Variants in CCDC175 observed in about 807,000 individuals in gnomAD.
The protein encoded by CCDC175 is coiled-coil domain containing 175.
A neutral mutation model predicts 114.6 loss-of-function variants in CCDC175; 100 were observed. The ratio of observed to expected loss-of-function variants is 0.87; its 90% CI spans 0.74 to 1.03. The LOEUF is 1.03. Among genes scored for constraint, CCDC175 ranks in the 50% least tolerant of loss-of-function variants. The pLI, the probability that CCDC175 is intolerant of heterozygous loss-of-function variation, is 0.00. For missense variants in CCDC175, 880 were observed against 917.8 expected (o/e 0.96, Z 0.53); for synonymous variants, 306 against 308.7 (o/e 0.99, Z 0.09).
intron 16 of CCDC175, 113 bp downstream of exon 16, chr14:59,525,169 T>A (rs1341460796): frequency 1.2e-6 from 1 of 811,152 alleles, no homozygotes; most frequent in Non-Finnish European, 1.8e-6. Flanking sequence ...GTGTGTACTT[T>A]ATGCTCCATT....
chr14:59,572,656 G>A (rs12886261), intron 3 of CCDC175, 46 bp downstream of exon 3: 303,929 of 1,055,754 alleles, frequency 0.29, 45,551 homozygotes, highest in African/African-American at 0.44. Flanking sequence ...ACTTCATTCT[G>A]TTATAAGATC....
intron 3 of CCDC175, among the ~76,000 whole-genome samples, chr14:59,569,793 T>C (rs573425765): frequency 2.0e-4 from 30 of 152,166 alleles, no homozygotes; most frequent in Non-Finnish European, 3.8e-4. Context: ...AAAGGGAAAG[T>C]TTAATAGAAT....
intron 15 of CCDC175, among the ~76,000 whole-genome samples, chr14:59,526,480 T>C (rs8011800): frequency 0.45 from 67,942 of 150,690 alleles, 16,262 homozygotes; most frequent in African/African-American, 0.61. Context: ...CGCTTGAACC[T>C]GGGAGGCTGA....
At chr14:59,558,146 G>A (rs1896024256) in intron 7 of CCDC175, among the ~76,000 whole-genome samples, 1 of 152,136 alleles carries the variant, frequency 6.6e-6, no homozygotes, top group Non-Finnish European at 1.5e-5. Context: ...CAGGCGTCAA[G>A]ACAGAGGCAG....
At chr14:59,567,187 G>T (rs1158340568) in intron 4 of CCDC175, among the ~76,000 whole-genome samples, 3 of 152,218 alleles carry the variant, frequency 2.0e-5, no homozygotes, top group Non-Finnish European at 4.4e-5. Flanking sequence ...TCTAGTTTAT[G>T]TAGCAGGCTC....
At chr14:59,526,880 T>G (rs887636941) in intron 15 of CCDC175, among the ~76,000 whole-genome samples, 2 of 152,222 alleles carry the variant, frequency 1.3e-5, no homozygotes, top group African/African-American at 4.8e-5. Context: ...AGTATACATA[T>G]ATACACATAC....
chr14:59,566,572 A>T (rs1896558452), intron 4 of CCDC175, among the ~76,000 whole-genome samples: 1 of 152,238 alleles, frequency 6.6e-6, no homozygotes, highest in Admixed American at 6.5e-5. Context: ...GAATGAATCA[A>T]CTTGAGGACT....
chr14:59,514,091 C>T (rs539470960), intron 17 of CCDC175, among the ~76,000 whole-genome samples: 3 of 152,198 alleles, frequency 2.0e-5, no homozygotes, highest in African/African-American at 7.2e-5. Flanking sequence ...TCCAACAGAC[C>T]TGCAGCTGAA....
chr14:59,535,416 G>A (rs1188102945), intron 13 of CCDC175, among the ~76,000 whole-genome samples: 2 of 152,148 alleles, frequency 1.3e-5, no homozygotes, highest in Non-Finnish European at 2.9e-5. Context: ...AAGTTAAATA[G>A]GATCCTTATT....
chr14:59,576,563 C>A, intron 1 of CCDC175, 56 bp downstream of exon 1: 1 of 1,358,508 alleles, frequency 7.4e-7, no homozygotes, highest in South Asian at 1.7e-5. Context: ...CGCTGAGTGC[C>A]TCCTAAGCGC....
At chr14:59,557,767 T>C (rs531482585) in intron 7 of CCDC175, among the ~76,000 whole-genome samples, 1 of 152,132 alleles carries the variant, frequency 6.6e-6, no homozygotes, top group African/African-American at 2.4e-5. Context: ...TCCTTTGAAC[T>C]GATGAATTAT....
chr14:59,510,222 A>G (rs1397307340), intron 19 of CCDC175, among the ~76,000 whole-genome samples: 1 of 152,222 alleles, frequency 6.6e-6, no homozygotes, highest in African/African-American at 2.4e-5. Flanking sequence ...ATGTGTTAAC[A>G]TCTCAGAAGC....
intron 19 of CCDC175, among the ~76,000 whole-genome samples, chr14:59,509,909 G>T (rs1406494292): frequency 6.6e-6 from 1 of 152,134 alleles, no homozygotes; most frequent in Non-Finnish European, 1.5e-5. Context: ...AGCACAAATA[G>T]ATTTGTACAC....
At chr14:59,511,049 T>C (rs139829836) in intron 18 of CCDC175, among the ~76,000 whole-genome samples, 58 of 152,270 alleles carry the variant, frequency 3.8e-4, no homozygotes, top group African/African-American at 1.2e-3. Context: ...AAGTGGATAA[T>C]GGTAGCCATG....
chr14:59,522,268 G>A (rs1176522619), intron 16 of CCDC175, among the ~76,000 whole-genome samples: 1 of 152,214 alleles, frequency 6.6e-6, no homozygotes, highest in East Asian at 1.9e-4. Context: ...AACTGGTCCA[G>A]TTTCAAGAAA....
chr14:59,515,802 C>CT (rs1294743644), intron 17 of CCDC175, among the ~76,000 whole-genome samples: 1 of 152,182 alleles, frequency 6.6e-6, no homozygotes, highest in Non-Finnish European at 1.5e-5. Context: ...GAACTCAGCT[C>CT]TGCACCAAGC....
intron 2 of CCDC175, among the ~76,000 whole-genome samples, chr14:59,574,397 A>C (rs1896994645): frequency 6.6e-6 from 1 of 152,186 alleles, no homozygotes; most frequent in African/African-American, 2.4e-5. Context: ...GAAATTCTTT[A>C]AATATTTCTT....
chr14:59,565,159 T>G lies in CCDC175; in HGVS notation c.608A>C (p.Asn203Thr). The change falls in exon 5 of 20, where the codon AAC becomes ACC. Residue 203 changes from asparagine to threonine, a missense_variant. Asn to Thr is a moderately conservative substitution (Grantham distance 65). Coordinates refer to ENST00000537690, the MANE Select transcript of CCDC175 (RefSeq NM_001164399.2). ...CAATGCTATGTCTTCTCTCTTCAAG[T>G]TTATTTTGGTATAAGTCTCATTTAT... is the stretch of plus-strand genomic sequence containing the variant. The part of the protein sequence containing the change: ...VYINETYTKI[N>T]LKREDIALQK... 1 of 1,537,882 alleles carries G rather than the reference T, an allele frequency of 6.5e-7. No individual in the cohort carries two copies. The highest frequency in any genetic ancestry group is 2.4e-5 in the East Asian group (1 of 40,928).
intron 15 of CCDC175, 32 bp downstream of exon 15, chr14:59,527,063 T>TA (rs770705141): frequency 4.5e-5 from 52 of 1,155,676 alleles, no homozygotes; most frequent in East Asian, 1.1e-4. Flanking sequence ...CTAATAATAA[T>TA]AAAAAAAAGA....
Sources: allele counts gnomAD v4.1 joint callset (sites outside exome capture counted in the v4.1 genomes callset), GRCh38; gene constraint gnomAD v4.1.1; transcripts MANE v1.5; gene names NCBI Gene and HGNC (gene_info 2026-07-23, HGNC 2026-07-21).